The following AK2 variants were observed in gnomAD, a reference collection of about 807,000 sequenced individuals.
The protein encoded by AK2 is adenylate kinase 2, also known as adenylate kinase 2, mitochondrial.
Under a neutral mutation model 24.6 loss-of-function variants are expected in AK2, and 15 were observed. The ratio of observed to expected loss-of-function variants is 0.61; its 90% CI spans 0.41 to 0.94. AK2 has a LOEUF of 0.94. Among genes scored for constraint, AK2 ranks in the 40% least tolerant of loss-of-function variants. AK2 has a pLI of 0.00. For missense variants in AK2, 257 were observed against 304.1 expected (o/e 0.85, Z 1.15); for synonymous variants, 102 against 114.0 (o/e 0.90, Z 0.67).
At position 33,011,357 on chromosome 1, in the gene AK2, C is replaced by T. The variant is rs1467422675; in HGVS notation, c.*1824G>A. On this transcript the variant is annotated 3_prime_UTR_variant, in exon 6 of 6. Transcript: ENST00000672715. ...CCAGAAGTCATGTGCTTCCCAGAAA[C>T]ACACAAAGCCAGACTGAGTTTCCAT... 1.6e-6 allele frequency: 2 copies of T among 1,287,710 alleles called. No homozygotes were observed. The highest frequency in any genetic ancestry group is 2.0e-6 in the Non-Finnish European group (2 of 989,120). The allele number at this position is 1,287,710 out of a possible 1,614,324, so 79.8% of individuals were successfully genotyped here. A position where few individuals can be genotyped will look rare whatever the true frequency, so the allele number is the denominator to read the frequency against.
chr1:33,012,022 T>C lies in AK2; in HGVS notation c.*1159A>G. 4 of 1,535,404 alleles carry C rather than the reference T, an allele frequency of 2.6e-6. No homozygotes were observed. On this transcript the variant is annotated 3_prime_UTR_variant, in exon 6 of 6. Coordinates refer to ENST00000672715, the MANE Select transcript of AK2 (RefSeq NM_001625.4). ...CAAGAATAGATCACACACTGTTTTGTTCACACTTGGAAACACAGGCAAACA... is the reference window on the plus strand; with the variant it reads ...CAAGAATAGATCACACACTGTTTTGCTCACACTTGGAAACACAGGCAAACA...
intron 4 of AK2, 100 bp from the exon 5 acceptor site, chr1:33,014,694 G>A (rs1468191449): frequency 8.9e-6 from 9 of 1,010,506 alleles, no homozygotes; most frequent in Admixed American, 3.5e-5. Context: ...TAGGGACGCT[G>A]GATGCAAGGA....
intron 4 of AK2, 64 bp from the exon 5 acceptor site, chr1:33,014,658 G>C: frequency 7.2e-7 from 1 of 1,390,044 alleles, no homozygotes; most frequent in African/African-American, 1.4e-5. Flanking sequence ...CTCCACTCTA[G>C]GGGGCTCCAG....
At chr1:33,029,027 C>T (rs551191139) in intron 1 of AK2, among the ~76,000 whole-genome samples, 17 of 152,164 alleles carry the variant, frequency 1.1e-4, no homozygotes, top group Non-Finnish European at 2.1e-4. Flanking sequence ...TCTAAGGTCT[C>T]GTTTTCTTTA....
At chr1:33,026,507 A>C (rs1639893242) in intron 1 of AK2, among the ~76,000 whole-genome samples, 1 of 152,258 alleles carries the variant, frequency 6.6e-6, no homozygotes, top group South Asian at 2.1e-4. Context: ...TCTAGTGAGA[A>C]GGCATTAAAA....
intron 5 of AK2, 75 bp downstream of exon 5, chr1:33,014,444 AAAG>A: frequency 1.7e-6 from 2 of 1,159,308 alleles, no homozygotes; most frequent in Non-Finnish European, 2.6e-6. Context: ...AGGAAGATGG[AAAG>A]AATAAAGGAA....
intron 4 of AK2, among the ~76,000 whole-genome samples, chr1:33,018,095 C>G (rs1476430758): frequency 6.6e-6 from 1 of 152,156 alleles, no homozygotes; most frequent in Non-Finnish European, 1.5e-5. Flanking sequence ...CACTTGTTTT[C>G]TCATCCACAA....
Position 33,012,198 on chromosome 1 carries a change from C to CA in AK2, c.*982dup. On this transcript the variant is annotated 3_prime_UTR_variant, in exon 6 of 6. Transcript: ENST00000672715. The stretch of plus-strand genomic sequence containing the variant: ...AATTCTCTGGCAACAATTCAGTTTT[C>CA]AAACCCAATTCCCAAATAATTGCTA... 1 of 1,535,414 alleles carries CA rather than the reference C, an allele frequency of 6.5e-7. No individual in the cohort carries two copies. The highest frequency in any genetic ancestry group is 8.7e-7 in the Non-Finnish European group (1 of 1,146,712).
intron 1 of AK2, chr1:33,031,702 G>C (rs1640243958): frequency 2.2e-6 from 1 of 455,822 alleles, no homozygotes; most frequent in African/African-American, 2.0e-5. Context: ...CAGAGATGTT[G>C]CAAGTATCAC....
At chr1:33,021,318 T>G (rs750016117) in intron 4 of AK2, 49 bp downstream of exon 4, 25 of 1,514,580 alleles carry the variant, frequency 1.7e-5, no homozygotes, top group Non-Finnish European at 2.2e-5. Flanking sequence ...TTCTCAGAGT[T>G]TGAGAAAGCT....
Position 33,021,381 on chromosome 1 carries a change from T to C in AK2, c.411A>G (p.Arg137=), listed in dbSNP as rs1474503504. The change falls in exon 4 of 6, where the codon CGA becomes CGG. Residue 137 remains arginine (R), a synonymous_variant. Transcript: ENST00000672715. Reference sequence around the variant, plus strand: ...GGGACAAATACCTTCCTGTGATTCTTCGGATCAGCAGAGAGTCTGGGATGC... The same window carrying C: ...GGGACAAATACCTTCCTGTGATTCTCCGGATCAGCAGAGAGTCTGGGATGC... The part of the protein sequence containing the change: ...EFSIPDSLLI[R]RITGRLIHPK... The C allele has an allele frequency of 6.2e-7, 1 of 1,613,944 alleles. No homozygotes were observed. The highest frequency in any genetic ancestry group is 1.1e-5 in the South Asian group (1 of 91,070).
At chr1:33,016,700 T>A (rs191570012) in intron 4 of AK2, among the ~76,000 whole-genome samples, 11 of 151,776 alleles carry the variant, frequency 7.2e-5, no homozygotes, top group Non-Finnish European at 1.5e-4. Flanking sequence ...TTAATTAATT[T>A]ATTTTATTTT....
rs781350152 is a variant in AK2, at chr1:33,010,538, A to C, written c.*2643T>G. 1.3e-5 allele frequency: 10 copies of C among 782,812 alleles called. No individual in the cohort carries two copies. The highest frequency in any genetic ancestry group is 2.1e-5 in the Non-Finnish European group (10 of 465,688). 48.5% of individuals were successfully genotyped at this position (782,812 alleles called of 1,614,324 possible). A position where few individuals can be genotyped will look rare whatever the true frequency, so the allele number is the denominator to read the frequency against. On this transcript the variant is annotated 3_prime_UTR_variant, in exon 6 of 6. Coordinates refer to ENST00000672715, the MANE Select transcript of AK2 (RefSeq NM_001625.4). The stretch of plus-strand genomic sequence containing the variant: ...TTTCACCAGTCCAGAGTAAATGAAA[A>C]CCCGATTCCTTAGAAATAATATTGT...
In AK2 at chr1:33,012,147, A is replaced by G. The variant is rs759969604; in HGVS notation, c.*1034T>C. On this transcript the variant is annotated 3_prime_UTR_variant, in exon 6 of 6. Transcript: ENST00000672715. ...CCTGGATGTTCAGAAGACAATCTGA[A>G]TTCAAAAGGACCTTTCACCTGGTTT... is the stretch of plus-strand genomic sequence containing the variant. 1 of 1,535,484 alleles carries G rather than the reference A, an allele frequency of 6.5e-7. No homozygotes were observed. The highest frequency in any genetic ancestry group is 1.2e-5 in the South Asian group (1 of 84,054).
In AK2 at chr1:33,009,499, G is replaced by C. The variant is rs1638669166; in HGVS notation, c.*3682C>G. On this transcript the variant is annotated 3_prime_UTR_variant, in exon 6 of 6. Coordinates refer to ENST00000672715, the MANE Select transcript of AK2 (RefSeq NM_001625.4). ...GCAGATATCTTTCTGTGTATATCTG[G>C]ATCCAACTAACATTTATCCAATGTC... is the stretch of plus-strand genomic sequence containing the variant. The C allele has an allele frequency of 2.2e-6, 1 of 454,104 alleles. No homozygotes were observed. The highest frequency in any genetic ancestry group is 1.6e-5 in the South Asian group (1 of 64,480). The allele number at this position is 454,104 out of a possible 1,614,324, so 28.1% of individuals were successfully genotyped here. A position where few individuals can be genotyped will look rare whatever the true frequency, so the allele number is the denominator to read the frequency against.
intron 4 of AK2, among the ~76,000 whole-genome samples, chr1:33,017,758 T>A (rs527857185): frequency 1.3e-5 from 2 of 151,984 alleles, no homozygotes. Context: ...TGTGATACTT[T>A]ATTTTTATTT....
At chr1:33,018,550 C>A (rs1214634013) in intron 4 of AK2, among the ~76,000 whole-genome samples, 1 of 152,204 alleles carries the variant, frequency 6.6e-6, no homozygotes, top group Non-Finnish European at 1.5e-5. Flanking sequence ...GCTTCCAGGG[C>A]TAACCCTGCC....
At chr1:33,016,542 C>T (rs533518381) in intron 4 of AK2, among the ~76,000 whole-genome samples, 63 of 151,888 alleles carry the variant, frequency 4.1e-4, no homozygotes, top group African/African-American at 1.4e-3. Context: ...CATGGTCTTG[C>T]TCTGTTGTCC....
At chr1:33,025,902 C>T (rs1468052661) in intron 1 of AK2, among the ~76,000 whole-genome samples, 2 of 152,166 alleles carry the variant, frequency 1.3e-5, no homozygotes, top group Non-Finnish European at 2.9e-5. Flanking sequence ...TTTACTAATG[C>T]CTTTCCCAAG....
Sources: allele counts gnomAD v4.1 joint callset (sites outside exome capture counted in the v4.1 genomes callset), GRCh38; gene constraint gnomAD v4.1.1; transcripts MANE v1.5; gene names NCBI Gene and HGNC (gene_info 2026-07-23, HGNC 2026-07-21).